Variants in HIP1 observed in about 807,000 individuals in gnomAD.
HIP1 encodes the protein huntingtin-interacting protein 1.
A neutral mutation model predicts 147.6 loss-of-function variants in HIP1; 65 were observed. The observed-to-expected ratio is 0.44, with a 90% CI of 0.36 to 0.54. HIP1 has a LOEUF of 0.54. Ranked by LOEUF, HIP1 falls within the 20% of genes least tolerant of loss-of-function variation. The pLI is 0.00. For missense variants in HIP1, 1,061 were observed against 1,299.6 expected (o/e 0.82, Z 2.82); for synonymous variants, 479 against 504.0 (o/e 0.95, Z 0.67).
chr7:75,564,742 G>C (rs1554495221), intron 9 of HIP1, among the ~76,000 whole-genome samples: 1 of 151,542 alleles, frequency 6.6e-6, no homozygotes, highest in African/African-American at 2.4e-5. Context: ...GTACAGGTGT[G>C]TGCCACCACA....
intron 1 of HIP1, among the ~76,000 whole-genome samples, chr7:75,669,958 G>T (rs1736327631): frequency 6.6e-6 from 1 of 151,960 alleles, no homozygotes. Flanking sequence ...TCACCATGAT[G>T]CCCAGCTAAT....
chr7:75,546,555 G>T (rs1391115922), intron 25 of HIP1, among the ~76,000 whole-genome samples: 1 of 152,242 alleles, frequency 6.6e-6, no homozygotes. Context: ...AGGGTGAGTT[G>T]ACTCTGCTGT....
intron 1 of HIP1, among the ~76,000 whole-genome samples, chr7:75,693,218 T>C (rs1232458028): frequency 6.6e-6 from 1 of 152,050 alleles, no homozygotes; most frequent in African/African-American, 2.4e-5. Context: ...GAAACAGGAC[T>C]AAGTGAAAGA....
intron 9 of HIP1, 39 bp from the exon 10 acceptor site, chr7:75,563,302 T>C: frequency 6.3e-7 from 1 of 1,588,004 alleles, no homozygotes; most frequent in Non-Finnish European, 8.6e-7. Flanking sequence ...CTGGGTGTCT[T>C]CATCAGCCCC....
chr7:75,605,460 G>C (rs1462355850), intron 1 of HIP1, among the ~76,000 whole-genome samples: 4 of 152,182 alleles, frequency 2.6e-5, no homozygotes, highest in African/African-American at 9.6e-5. Flanking sequence ...GAGGGGAATG[G>C]GCCAGCAGTG....
intron 1 of HIP1, among the ~76,000 whole-genome samples, chr7:75,702,249 T>C (rs1554519231): frequency 6.6e-6 from 1 of 152,156 alleles, no homozygotes; most frequent in African/African-American, 2.4e-5. Context: ...TAGCTGGGAT[T>C]ACAGACACGC....
chr7:75,629,507 G>A (rs1248263584), intron 1 of HIP1, among the ~76,000 whole-genome samples: 1 of 151,364 alleles, frequency 6.6e-6, no homozygotes, highest in Non-Finnish European at 1.5e-5. Context: ...CACCCATTGT[G>A]CATCCTGTAT....
chr7:75,723,087 T>C (rs1391952017), intron 1 of HIP1, among the ~76,000 whole-genome samples: 1 of 152,134 alleles, frequency 6.6e-6, no homozygotes, highest in Non-Finnish European at 1.5e-5. Context: ...TGTAACAAAT[T>C]ACTGCAGGCT....
chr7:75,547,910 G>C, intron 23 of HIP1, 97 bp from the exon 24 acceptor site: 1 of 1,129,496 alleles, frequency 8.9e-7, no homozygotes, highest in Non-Finnish European at 1.3e-6. Flanking sequence ...TGGTAGCTGG[G>C]AAACCTGAAT....
chr7:75,716,588 C>G (rs367785833), intron 1 of HIP1, among the ~76,000 whole-genome samples: 3 of 149,170 alleles, frequency 2.0e-5, no homozygotes, highest in Non-Finnish European at 4.4e-5. Context: ...GGTACAATCT[C>G]GGCTCACTGC....
At chr7:75,556,559 C>T (rs782228528) in intron 17 of HIP1, 151 bp downstream of exon 17, 5 of 612,396 alleles carry the variant, frequency 8.2e-6, no homozygotes, top group Non-Finnish European at 1.5e-5. Context: ...GGGGTGTGTG[C>T]CTGTAGTCCC....
chr7:75,714,678 C>A (rs1801263578), intron 1 of HIP1, among the ~76,000 whole-genome samples: 1 of 151,840 alleles, frequency 6.6e-6, no homozygotes, highest in Non-Finnish European at 1.5e-5. Context: ...GTCTTGAACT[C>A]CTAACCTTAG....
At chr7:75,648,297 G>A (rs1554511398) in intron 1 of HIP1, among the ~76,000 whole-genome samples, 2 of 151,986 alleles carry the variant, frequency 1.3e-5, no homozygotes, top group Non-Finnish European at 2.9e-5. Flanking sequence ...GCTCGTCGGA[G>A]TAGTTGGGGC....
intron 1 of HIP1, chr7:75,626,815 A>G (rs1162810182): frequency 3.3e-5 from 5 of 152,134 alleles, no homozygotes; most frequent in African/African-American, 9.7e-5. Flanking sequence ...GATTGAATCA[A>G]ATGAAAATTT....
At chr7:75,628,028 G>C (rs1584897546) in intron 1 of HIP1, among the ~76,000 whole-genome samples, 3 of 152,298 alleles carry the variant, frequency 2.0e-5, no homozygotes, top group South Asian at 2.1e-4. Flanking sequence ...GAATGAATGT[G>C]CTCACTCCTC....
At chr7:75,599,694 T>G (rs1554502642) in intron 1 of HIP1, among the ~76,000 whole-genome samples, 1 of 152,188 alleles carries the variant, frequency 6.6e-6, no homozygotes, top group Non-Finnish European at 1.5e-5. Context: ...CTTCTCCGGC[T>G]GGCCAGCACC....
At chr7:75,645,639 C>T (rs1008277557) in intron 1 of HIP1, among the ~76,000 whole-genome samples, 1 of 152,110 alleles carries the variant, frequency 6.6e-6, no homozygotes, top group Non-Finnish European at 1.5e-5. Context: ...CACCTGCACT[C>T]GTATGTTCAT....
intron 8 of HIP1, among the ~76,000 whole-genome samples, chr7:75,571,033 GTAAAT>G (rs1434475050): frequency 1.4e-5 from 2 of 141,782 alleles, no homozygotes; most frequent in Non-Finnish European, 3.2e-5. Context: ...AATAAATAAA[GTAAAT>G]TAAAAAACTA....
intron 5 of HIP1, among the ~76,000 whole-genome samples, chr7:75,585,042 G>A (rs1796201736): frequency 6.6e-6 from 1 of 151,662 alleles, no homozygotes. Context: ...AGAGATGGGG[G>A]TTTCACTATG....
Sources: gnomAD v4.1 joint callset for allele counts (sites outside exome capture counted in the v4.1 genomes callset) on GRCh38, gnomAD v4.1.1 for gene constraint, MANE v1.5 for transcripts, NCBI Gene and HGNC (gene_info 2026-07-23, HGNC 2026-07-21) for gene names.